Variants in ZC3H4 observed in about 807,000 individuals in gnomAD.
ZC3H4 encodes the protein zinc finger CCCH-type containing 4.
ZC3H4 carries 13 observed loss-of-function variants against 108.3 expected under a neutral mutation model. That is an observed-to-expected ratio of 0.12 (90% CI 0.08 to 0.19). The LOEUF (loss-of-function observed/expected upper bound fraction) is 0.19. Ranked by LOEUF, ZC3H4 falls within the 10% of genes least tolerant of loss-of-function variation. The pLI, the probability that ZC3H4 is intolerant of heterozygous loss-of-function variation, is 1.00. For synonymous variants in ZC3H4, 917 were observed against 749.6 expected (o/e 1.22, Z -3.65); for missense variants, 1,734 against 1,838.8 (o/e 0.94, Z 1.04).
intron 11 of ZC3H4, among the ~76,000 whole-genome samples, chr19:47,079,189 C>G (rs1164763282): frequency 6.6e-6 from 1 of 151,202 alleles, no homozygotes; most frequent in East Asian, 2.0e-4. Context: ...ACCACCTTGC[C>G]TGGCTAATTC....
rs1427969443 is a variant in ZC3H4, at chr19:47,070,022, G to A, written c.2147-679C>T. ...GCCAAGAGCTGTGGGCAGCAGCACA[G>A]GCTGACGTGGGGACGCAGCAGGCGT... On this transcript the variant is annotated intron_variant, in intron 13 of 14. Transcript: ENST00000253048. Among the ~76,000 whole-genome samples, 29 of 152,190 alleles carry A rather than the reference G, an allele frequency of 1.9e-4. 1 individual carries two copies. Among genetic ancestry groups the A allele is most frequent in the Admixed American group, 1.9e-3 (29 of 15,280 alleles).
intron 6 of ZC3H4, among the ~76,000 whole-genome samples, chr19:47,085,684 G>GGACT (rs1568549368): frequency 6.6e-6 from 1 of 152,122 alleles, no homozygotes; most frequent in African/African-American, 2.4e-5. Flanking sequence ...AGTGGACTGT[G>GGACT]GACTGGCGTG....
intron 6 of ZC3H4, among the ~76,000 whole-genome samples, chr19:47,086,034 A>AT (rs1216939216): frequency 6.6e-5 from 10 of 151,814 alleles, no homozygotes; most frequent in Non-Finnish European, 1.5e-4. Context: ...CACCCGGCTA[A>AT]TTTTTTGTAT....
chr19:47,091,614 G>A (rs755789995), intron 4 of ZC3H4, among the ~76,000 whole-genome samples: 10 of 145,804 alleles, frequency 6.9e-5, no homozygotes, highest in Non-Finnish European at 1.5e-4. Context: ...TGGGCCAAGC[G>A]TGGTAGCTCA....
At chr19:47,105,725 C>T (rs1267725782) in intron 2 of ZC3H4, among the ~76,000 whole-genome samples, 2 of 152,350 alleles carry the variant, frequency 1.3e-5, no homozygotes, top group African/African-American at 2.4e-5. Flanking sequence ...CTTTTTGACA[C>T]TGACCCACAT....
At chr19:47,105,016 G>A (rs2057950419) in intron 2 of ZC3H4, among the ~76,000 whole-genome samples, 1 of 152,156 alleles carries the variant, frequency 6.6e-6, no homozygotes. Flanking sequence ...GCCTAGGCTT[G>A]GGCCTCTACA....
At position 47,094,428 on chromosome 19, in the gene ZC3H4, C is replaced by A; in HGVS notation, c.342G>T (p.Glu114Asp). ...TCCTCCTCTTCTTCGACCTCCTTTT[C>A]TCTTTCTCCCGCTCTTTCTTCCGTT... is the stretch of plus-strand genomic sequence containing the variant. ...KRKRKKEREK[E>D]KRRSKKRRKS... Residue 114 changes from glutamate (E) to aspartate (D), a missense_variant, in exon 3 of 15, where the codon GAG becomes GAT. Physicochemically the swap from Glu to Asp is conservative, Grantham distance 45 (BLOSUM62 2). This residue lies in a region of ZC3H4 where 403 missense variants were observed against 457.0 expected (regional missense o/e 0.88). Coordinates refer to ENST00000253048, the MANE Select transcript of ZC3H4 (RefSeq NM_015168.2). 6.2e-7 allele frequency: 1 copy of A among 1,614,206 alleles called. No individual in the cohort carries two copies. The highest frequency in any genetic ancestry group is 1.3e-5 in the African/African-American group (1 of 75,058).
In ZC3H4 at chr19:47,086,449, C is replaced by T. The variant is rs181854564; in HGVS notation, c.805G>A (p.Gly269Ser). Reference sequence around the variant, plus strand: ...TGGTCTCCTCCCATAGAGCCTCTGCCCCTGCCTCGGCTGCCCCTGCCCATG... The same window carrying T: ...TGGTCTCCTCCCATAGAGCCTCTGCTCCTGCCTCGGCTGCCCCTGCCCATG... ...RGMGRGSRGR[G>S]RGSMGGDHPE... Residue 269 changes from glycine (G) to serine (S), a missense_variant, in exon 6 of 15, where the codon GGC becomes AGC. By Grantham distance (56) the Gly-to-Ser change is moderately conservative. Transcript: ENST00000253048. 64 of 1,612,882 alleles carry T rather than the reference C, an allele frequency of 4.0e-5. No individual in the cohort carries two copies. The East Asian group carries it at 1.4e-3, about 35-fold the overall frequency.
rs775779657 is a variant in ZC3H4 at position 47,066,794 on chromosome 19, G to A, written c.3474C>T (p.Gly1158=). 1.2e-6 allele frequency: 2 copies of A among 1,600,622 alleles called. No individual in the cohort carries two copies. ...TGTCAGCAGCCGGCTCTGTGGCTTTGCCCCCCGCGTTGGGAGTCCTCGGGT... is the reference window on the plus strand; with the variant it reads ...TGTCAGCAGCCGGCTCTGTGGCTTTACCCCCCGCGTTGGGAGTCCTCGGGT... The part of the protein sequence containing the change: ...LYDPRTPNAG[G]KATEPAADTG... Residue 1158 remains glycine (G), a synonymous_variant, in exon 15 of 15, where the codon GGC becomes GGT. Coordinates refer to ENST00000253048, the MANE Select transcript of ZC3H4 (RefSeq NM_015168.2).
At chr19:47,079,556 TG>T (rs2057484233) in intron 11 of ZC3H4, among the ~76,000 whole-genome samples, 1 of 150,494 alleles carries the variant, frequency 6.6e-6, no homozygotes, top group South Asian at 2.1e-4. Context: ...GACTGGCCAC[TG>T]CTTCCCCTGT....
chr19:47,104,302 G>A (rs1327322648), intron 2 of ZC3H4, among the ~76,000 whole-genome samples: 1 of 152,172 alleles, frequency 6.6e-6, no homozygotes, highest in African/African-American at 2.4e-5. Context: ...CTACGTGACA[G>A]AGTAAGACTC....
In ZC3H4 at chr19:47,092,545, G is replaced by A. The variant is rs1321654596; in HGVS notation, c.492+1425C>T. Among the ~76,000 whole-genome samples the A allele has an allele frequency of 2.6e-5, 4 of 152,272 alleles. No individual in the cohort carries two copies. In the East Asian group the frequency reaches 5.8e-4, roughly 22 times the overall value. The stretch of plus-strand genomic sequence containing the variant: ...AAACATTTCTCAACCAGCCGGGCAC[G>A]GTGGCTCTCGCCTGTAACCCTAGCA... On this transcript the variant is annotated intron_variant, in intron 4 of 14. Transcript: ENST00000253048.
rs2057232128 is a variant in ZC3H4, at chr19:47,067,376, C to T, written c.2892G>A (p.Lys964=). The change falls in exon 15 of 15, where the codon AAG becomes AAA. Residue 964 remains lysine, a synonymous_variant. Coordinates refer to ENST00000253048, the MANE Select transcript of ZC3H4 (RefSeq NM_015168.2). The surrounding 1 kb of genome is among the most constrained non-coding windows in gnomAD (Gnocchi z 6.4). ...SQLQQFSHIK[K]DVTLSKPSFA... is the part of the protein sequence containing the mutation. ...AGCTGGGCTTGCTCAGGGTCACGTC[C>T]TTCTTGATGTGGCTGAACTGCTGCA... 3 of 1,608,862 alleles carry T rather than the reference C, an allele frequency of 1.9e-6. No individual in the cohort carries two copies. Among genetic ancestry groups the T allele is most frequent in the African/African-American group, 2.7e-5 (2 of 74,948 alleles).
rs1204906610 is a variant in ZC3H4, at chr19:47,075,804, G to A, written c.1441-3091C>T. Among the ~76,000 whole-genome samples the A allele has an allele frequency of 2.0e-5, 3 of 152,152 alleles. No homozygotes were observed. In the East Asian group the frequency reaches 5.8e-4, roughly 29 times the overall value. ...CAGAGGCTGGGTCCAGTGCAGAGGA[G>A]AAAGGAGCTCAGGCCCTGAATGGTT... On this transcript the variant is annotated intron_variant, in intron 11 of 14. Coordinates refer to ENST00000253048, the MANE Select transcript of ZC3H4 (RefSeq NM_015168.2).
At chr19:47,073,934 G>C (rs2057374075) in intron 11 of ZC3H4, among the ~76,000 whole-genome samples, 1 of 152,200 alleles carries the variant, frequency 6.6e-6, no homozygotes, top group South Asian at 2.1e-4. Flanking sequence ...AAGGGCCTCT[G>C]ATCTCAACTC....
intron 11 of ZC3H4, among the ~76,000 whole-genome samples, chr19:47,075,794 G>C (rs1022037086): frequency 6.6e-6 from 1 of 152,322 alleles, no homozygotes; most frequent in East Asian, 1.9e-4. Context: ...GCTGGGTCCA[G>C]TGCAGAGGAG....
chr19:47,084,306 A>G, intron 9 of ZC3H4, 39 bp downstream of exon 9: 2 of 1,587,406 alleles, frequency 1.3e-6, no homozygotes, highest in Middle Eastern at 1.7e-4. Flanking sequence ...TCTGGGGGCT[A>G]TGGCCTCCTA....
At chr19:47,070,980 C>T (rs1370595020) in intron 13 of ZC3H4, among the ~76,000 whole-genome samples, 1 of 151,996 alleles carries the variant, frequency 6.6e-6, no homozygotes, top group Non-Finnish European at 1.5e-5. Flanking sequence ...GCAGCTCCCC[C>T]AGTTCAACAC....
chr19:47,085,866 T>C (rs374036586), intron 6 of ZC3H4, among the ~76,000 whole-genome samples: 1 of 152,170 alleles, frequency 6.6e-6, no homozygotes, highest in East Asian at 1.9e-4. Flanking sequence ...GTGATACTTC[T>C]TCTTTTTCTT....
Sources: gnomAD v4.1 joint callset for allele counts (sites outside exome capture counted in the v4.1 genomes callset) on GRCh38, gnomAD v4.1.1 for gene constraint, gnomAD v4.1.1 regional missense constraint, Gnocchi (gnomAD v3.1) non-coding constraint, MANE v1.5 for transcripts, NCBI Gene and HGNC (gene_info 2026-07-23, HGNC 2026-07-21) for gene names.